The following RPL27A variants were observed in gnomAD, a reference collection of about 807,000 sequenced individuals.
RPL27A encodes the protein ribosomal protein L27a, also known as large ribosomal subunit protein uL15.
For synonymous variants in RPL27A, 69 were observed against 68.3 expected (o/e 1.01, Z -0.05); for missense variants, 118 against 189.4 (o/e 0.62, Z 2.21).
intron 4 of RPL27A, 60 bp downstream of exon 4, chr11:8,684,952 A>C: frequency 6.0e-6 from 9 of 1,493,980 alleles, no homozygotes; most frequent in Non-Finnish European, 6.5e-6. Flanking sequence ...CTCTGGCTTA[A>C]TCTAATCCAC....
At position 8,688,388 on chromosome 11, in the gene RPL27A, C is replaced by T. The variant is rs1369990307; in HGVS notation, c.*2582C>T. 1.3e-5 allele frequency: 2 copies of T among 151,676 alleles called. No individual in the cohort carries two copies. The highest frequency in any genetic ancestry group is 2.9e-5 in the Non-Finnish European group (2 of 67,976). The allele number at this position is 151,676 out of a possible 1,614,324, so 9.4% of individuals were successfully genotyped here. A position where few individuals can be genotyped will look rare whatever the true frequency, so the allele number is the denominator to read the frequency against. Reference sequence around the variant, plus strand: ...TGATTTCGTTGCTGGCTTGTTCACTCACCAGAAGCTACAGCTACTAACAGT... The same window carrying T: ...TGATTTCGTTGCTGGCTTGTTCACTTACCAGAAGCTACAGCTACTAACAGT... On this transcript the variant is annotated 3_prime_UTR_variant, in exon 5 of 5. Transcript: ENST00000314138.
intron 3 of RPL27A, chr11:8,684,516 A>G: frequency 1.5e-6 from 1 of 671,928 alleles, no homozygotes; most frequent in Non-Finnish European, 2.6e-6. Flanking sequence ...TCCTGGTTCC[A>G]GGAAATAAGA....
chr11:8,682,990 G>A (rs948710306), intron 1 of RPL27A, 174 bp downstream of exon 1: 143 of 947,856 alleles, frequency 1.5e-4, no homozygotes, highest in Non-Finnish European at 3.2e-5. Flanking sequence ...GGAGCCGTGT[G>A]TTAGGCCCGC....
Position 8,685,093 on chromosome 11 carries a change from G to C in RPL27A, c.318+201G>C. 6.6e-6 allele frequency: 4 copies of C among 610,634 alleles called. No individual in the cohort carries two copies. In the South Asian group the frequency reaches 7.7e-5, roughly 12 times the overall value. The allele number at this position is 610,634 out of a possible 1,614,324, so 37.8% of individuals were successfully genotyped here. ...CCAGGTTGTATCAGGTTTGCATTTC[G>C]TGCTTGAACTATAGCTGGTTTTCAC... is the stretch of plus-strand genomic sequence containing the variant. On this transcript the variant is annotated intron_variant, in intron 4 of 4. Transcript: ENST00000314138.
In RPL27A at chr11:8,684,068, A is replaced by C. The variant is rs752528081; in HGVS notation, c.130A>C (p.Asn44His). The C allele has an allele frequency of 6.2e-7, 1 of 1,613,596 alleles. No homozygotes were observed. The highest frequency in any genetic ancestry group is 8.5e-7 in the Non-Finnish European group (1 of 1,179,846). Residue 44 changes from asparagine (N) to histidine (H), a missense_variant, in exon 3 of 5, where the codon AAC (asparagine) becomes CAC (histidine). Transcript: ENST00000314138. Reference protein sequence around the residue: ...NAGGLHHHRINFDKYHPGYFG... With the variant: ...NAGGLHHHRIHFDKYHPGYFG... ...TGGTGGTCTGCATCACCACCGGATC[A>C]ACTTCGACAAATAGTAAGTGTCCTT...
Position 8,687,301 on chromosome 11 carries a change from A to T in RPL27A, c.*1495A>T, listed in dbSNP as rs1387999369. On this transcript the variant is annotated 3_prime_UTR_variant, in exon 5 of 5. Transcript: ENST00000314138. ...GTAATCCCAGCTACTTTGGAGGCTG[A>T]GCCAGGAGAATCTCCAGGAGGCGGA... 6.6e-6 allele frequency: 1 copy of T among 151,260 alleles called. No individual in the cohort carries two copies. Among genetic ancestry groups the T allele is most frequent in the Non-Finnish European group, 1.5e-5 (1 of 67,974 alleles). The allele number at this position is 151,260 out of a possible 1,614,324, so 9.4% of individuals were successfully genotyped here.
Position 8,686,646 on chromosome 11 carries a change from A to C in RPL27A, c.*840A>C, listed in dbSNP as rs1483576565. The C allele has an allele frequency of 6.6e-6, 1 of 152,212 alleles. No homozygotes were observed. Among genetic ancestry groups the C allele is most frequent in the African/African-American group, 2.4e-5 (1 of 41,450 alleles). The allele number at this position is 152,212 out of a possible 1,614,324, so 9.4% of individuals were successfully genotyped here. A position where few individuals can be genotyped will look rare whatever the true frequency, so the allele number is the denominator to read the frequency against. On this transcript the variant is annotated 3_prime_UTR_variant, in exon 5 of 5. Transcript: ENST00000314138. ...GTATGCCAGGGCTTTTCTGTATGTCAAAGTGGGTTTGAAATAGTTAATTTT... is the reference window on the plus strand; with the variant it reads ...GTATGCCAGGGCTTTTCTGTATGTCCAAGTGGGTTTGAAATAGTTAATTTT...
Position 8,686,239 on chromosome 11 carries a change from ATC to A in RPL27A, c.*435_*436del, listed in dbSNP as rs2039585688. On this transcript the variant is annotated 3_prime_UTR_variant, in exon 5 of 5. Coordinates refer to ENST00000314138, the MANE Select transcript of RPL27A (RefSeq NM_000990.5). ...CAAGGTTTTTCCACGTGGCCCCCTC[ATC>A]TTTTTTTTTTTTTTAAACGGAGTCT... 1 of 152,364 alleles carries A rather than the reference ATC, an allele frequency of 6.6e-6. No homozygotes were observed. The highest frequency in any genetic ancestry group is 6.5e-5 in the Admixed American group (1 of 15,474). The allele number at this position is 152,364 out of a possible 1,614,324, so 9.4% of individuals were successfully genotyped here. A position where few individuals can be genotyped will look rare whatever the true frequency, so the allele number is the denominator to read the frequency against.
intron 1 of RPL27A, 44 bp downstream of exon 1, chr11:8,682,860 C>G: frequency 6.3e-7 from 1 of 1,597,746 alleles, no homozygotes; most frequent in Non-Finnish European, 8.5e-7. Flanking sequence ...CCGGCGGAGA[C>G]CCCTAAGCTG....
rs1288989466 is a variant in RPL27A at position 8,687,290 on chromosome 11, T to A, written c.*1484T>A. On this transcript the variant is annotated 3_prime_UTR_variant, in exon 5 of 5. Transcript: ENST00000314138. The stretch of plus-strand genomic sequence containing the variant: ...GGCACATGCCTGTAATCCCAGCTAC[T>A]TTGGAGGCTGAGCCAGGAGAATCTC... 4 of 151,656 alleles carry A rather than the reference T, an allele frequency of 2.6e-5. No individual in the cohort carries two copies. Among genetic ancestry groups the A allele is most frequent in the Non-Finnish European group, 5.9e-5 (4 of 68,130 alleles). 9.4% of individuals were successfully genotyped at this position (151,656 alleles called of 1,614,324 possible).
chr11:8,683,576 C>T (rs1239602133), intron 2 of RPL27A: 1 of 520,316 alleles, frequency 1.9e-6, no homozygotes, highest in Non-Finnish European at 3.5e-6. Flanking sequence ...TGAAAACCGG[C>T]ATCGGTAGGG....
At position 8,682,823 on chromosome 11, in the gene RPL27A, G is replaced by C. The variant is rs1420801646; in HGVS notation, c.3+7G>C. 1 of 1,612,190 alleles carries C rather than the reference G, an allele frequency of 6.2e-7. No individual in the cohort carries two copies. Among genetic ancestry groups the C allele is most frequent in the East Asian group, 2.2e-5 (1 of 44,738 alleles). The stretch of plus-strand genomic sequence containing the variant: ...CGTCTGGGCTGCCAACATGGTAGGT[G>C]TTTCGTTTCTTGCCTCCTCTTCCTT... On this transcript the variant is annotated splice_region_variant and intron_variant, in intron 1 of 4. Transcript: ENST00000314138.
At position 8,687,889 on chromosome 11, in the gene RPL27A, G is replaced by C. The variant is rs2039602125; in HGVS notation, c.*2083G>C. The C allele has an allele frequency of 6.6e-6, 1 of 152,284 alleles. No individual in the cohort carries two copies. Among genetic ancestry groups the C allele is most frequent in the African/African-American group, 2.4e-5 (1 of 41,426 alleles). The allele number at this position is 152,284 out of a possible 1,614,324, so 9.4% of individuals were successfully genotyped here. On this transcript the variant is annotated 3_prime_UTR_variant, in exon 5 of 5. Transcript: ENST00000314138. ...CCCGCCTCAGCCTCCCAAAGTGCTG[G>C]GATTACAGGCATGAGCCACCGCGCC... is the stretch of plus-strand genomic sequence containing the variant.
intron 3 of RPL27A, 175 bp downstream of exon 3, chr11:8,684,256 G>T: frequency 1.3e-6 from 1 of 766,038 alleles, no homozygotes; most frequent in Non-Finnish European, 2.4e-6. Context: ...TTGGGTATCG[G>T]CTATTGCCTG....
chr11:8,683,833 A>G (rs1459114405), intron 2 of RPL27A, 173 bp from the exon 3 acceptor site: 1 of 632,704 alleles, frequency 1.6e-6, no homozygotes, highest in South Asian at 1.7e-5. Flanking sequence ...GTGCGCCACG[A>G]CGCCCGGCTA....
chr11:8,687,283 C>G lies in RPL27A; in HGVS notation c.*1477C>G, dbSNP rs376879048. The G allele has an allele frequency of 3.9e-5, 6 of 152,100 alleles. No homozygotes were observed. Among genetic ancestry groups the G allele is most frequent in the African/African-American group, 1.5e-4 (6 of 41,362 alleles). 9.4% of individuals were successfully genotyped at this position (152,100 alleles called of 1,614,324 possible). A position where few individuals can be genotyped will look rare whatever the true frequency, so the allele number is the denominator to read the frequency against. On this transcript the variant is annotated 3_prime_UTR_variant, in exon 5 of 5. Transcript: ENST00000314138. Reference sequence around the variant, plus strand: ...GCGTGGTGGCACATGCCTGTAATCCCAGCTACTTTGGAGGCTGAGCCAGGA... The same window carrying G: ...GCGTGGTGGCACATGCCTGTAATCCGAGCTACTTTGGAGGCTGAGCCAGGA...
At chr11:8,682,842 C>G (rs957798008) in intron 1 of RPL27A, 26 bp downstream of exon 1, 2 of 1,608,852 alleles carry the variant, frequency 1.2e-6, no homozygotes, top group South Asian at 1.1e-5. Flanking sequence ...CTTGCCTCCT[C>G]TTCCTTGCCG....
chr11:8,682,855 G>C lies in RPL27A; in HGVS notation c.3+39G>C. On this transcript the variant is annotated intron_variant, in intron 1 of 4. Transcript: ENST00000314138. ...TTCTTGCCTCCTCTTCCTTGCCGGC[G>C]GAGACCCCTAAGCTGTATTCCCATT... The C allele has an allele frequency of 2.5e-6, 4 of 1,603,362 alleles. No homozygotes were observed. The East Asian group carries it at 6.7e-5, about 27-fold the overall frequency.
intron 3 of RPL27A, chr11:8,684,405 C>A (rs769823188): frequency 2.8e-6 from 2 of 717,846 alleles, no homozygotes; most frequent in South Asian, 2.7e-5. Context: ...TTTGGCTATT[C>A]AGAAGACGTT....
Sources: allele counts gnomAD v4.1 joint callset, GRCh38; gene constraint gnomAD v4.1.1; transcripts MANE v1.5; gene names NCBI Gene and HGNC (gene_info 2026-07-23, HGNC 2026-07-21).